KCNIP4: variants seen among roughly 807,000 people sequenced by gnomAD.
KCNIP4 encodes the protein potassium voltage-gated channel interacting protein 4.
KCNIP4 carries 12 observed loss-of-function variants against 34.0 expected under a neutral mutation model. The observed-to-expected ratio is 0.35, with a 90% CI of 0.23 to 0.57. The LOEUF (loss-of-function observed/expected upper bound fraction) is 0.57. KCNIP4 is among the 20% of genes least tolerant of loss of function. The pLI is 0.83. For missense variants in KCNIP4, 238 were observed against 311.7 expected (o/e 0.76, Z 1.78); for synonymous variants, 124 against 102.2 (o/e 1.21, Z -1.29).
chr4:21,395,678 G>A (rs892295664), intron 1 of KCNIP4, among the ~76,000 whole-genome samples: 6 of 152,054 alleles, frequency 3.9e-5, no homozygotes, highest in Non-Finnish European at 7.4e-5. Flanking sequence ...ATTTAAAAAT[G>A]TATAGTATAA....
chr4:20,986,435 G>T (rs1325589929), intron 1 of KCNIP4, among the ~76,000 whole-genome samples: 1 of 151,984 alleles, frequency 6.6e-6, no homozygotes, highest in Non-Finnish European at 1.5e-5. Flanking sequence ...AAATATTTTA[G>T]GTAACCATTT....
chr4:20,809,983 C>T (rs896747730), intron 3 of KCNIP4, among the ~76,000 whole-genome samples: 3 of 152,198 alleles, frequency 2.0e-5, no homozygotes, highest in Non-Finnish European at 4.4e-5. Context: ...GTCAGAGAAA[C>T]ATGATCTCTT....
chr4:21,469,560 T>C (rs934596542), intron 1 of KCNIP4, among the ~76,000 whole-genome samples: 1 of 152,204 alleles, frequency 6.6e-6, no homozygotes, highest in Admixed American at 6.6e-5. Context: ...GAAAACGTTT[T>C]GTACAAATAA....
chr4:21,353,228 G>A (rs1266063250), intron 1 of KCNIP4, among the ~76,000 whole-genome samples: 1 of 152,132 alleles, frequency 6.6e-6, no homozygotes, highest in Non-Finnish European at 1.5e-5. Flanking sequence ...AAAAACCAGA[G>A]CACCTCTTCT....
intron 1 of KCNIP4, among the ~76,000 whole-genome samples, chr4:21,464,035 AT>A (rs1729702931): frequency 6.6e-6 from 1 of 151,676 alleles, no homozygotes; most frequent in Non-Finnish European, 1.5e-5. Context: ...ATCCTTTTTT[AT>A]TTCTGTAAGG....
At chr4:20,732,631 G>GA in intron 7 of KCNIP4, 50 bp downstream of exon 7, 1 of 1,220,500 alleles carries the variant, frequency 8.2e-7, no homozygotes, top group Non-Finnish European at 1.2e-6. Context: ...CAAACATCAG[G>GA]AAATTTTCTC....
chr4:21,725,360 T>A (rs1715116848), intron 1 of KCNIP4, among the ~76,000 whole-genome samples: 1 of 152,140 alleles, frequency 6.6e-6, no homozygotes, highest in Non-Finnish European at 1.5e-5. Context: ...ATACCTCAGA[T>A]GTACTTCGAA....
intron 1 of KCNIP4, among the ~76,000 whole-genome samples, chr4:21,621,653 C>T (rs928370331): frequency 6.6e-6 from 1 of 151,994 alleles, no homozygotes; most frequent in African/African-American, 2.4e-5. Context: ...CCACCATGTT[C>T]GGCCACTTCT....
chr4:20,925,555 G>A (rs554154053), intron 1 of KCNIP4, among the ~76,000 whole-genome samples: 5 of 152,042 alleles, frequency 3.3e-5, no homozygotes, highest in Non-Finnish European at 7.4e-5. Flanking sequence ...ATGGGAAACC[G>A]GCAGCCCTCA....
At chr4:21,540,467 G>C (rs1737588067) in intron 1 of KCNIP4, among the ~76,000 whole-genome samples, 1 of 152,246 alleles carries the variant, frequency 6.6e-6, no homozygotes, top group Admixed American at 6.5e-5. Context: ...ATACGTACAA[G>C]AGAGAGGCTC....
At chr4:21,667,273 A>G (rs1259398185) in intron 1 of KCNIP4, among the ~76,000 whole-genome samples, 1 of 152,194 alleles carries the variant, frequency 6.6e-6, no homozygotes, top group Non-Finnish European at 1.5e-5. Flanking sequence ...CCATTTGTCT[A>G]TGGAGATAGG....
chr4:21,408,759 G>A (rs1252605974), intron 1 of KCNIP4, among the ~76,000 whole-genome samples: 1 of 152,162 alleles, frequency 6.6e-6, no homozygotes, highest in Non-Finnish European at 1.5e-5. Flanking sequence ...AAGGAAGCCT[G>A]GTGTGATTCT....
intron 1 of KCNIP4, among the ~76,000 whole-genome samples, chr4:21,047,979 T>C (rs751323565): frequency 1.3e-5 from 2 of 152,188 alleles, no homozygotes; most frequent in South Asian, 2.1e-4. Flanking sequence ...CCTAGTTATA[T>C]GGTGGGAAAA....
chr4:21,625,147 A>AATG lies in KCNIP4; in HGVS notation c.61+323421_61+323423dup, dbSNP rs543844539. ...TTGGTCCTCCTTTGCTGAGCACTAAAATGATGATGATGATGATGATAAAAT... is the reference window on the plus strand; with the variant it reads ...TTGGTCCTCCTTTGCTGAGCACTAAAATGATGATGATGATGATGATGATAAAAT... On this transcript the variant is annotated intron_variant, in intron 1 of 8. Transcript: ENST00000382152. 2.9e-3 allele frequency among the ~76,000 whole-genome samples: 443 copies of AATG among 152,050 alleles called. 10 individuals carry two copies. In the South Asian group the frequency reaches 0.048, roughly 16 times the overall value.
chr4:21,317,751 G>A (rs1457812675), intron 1 of KCNIP4, among the ~76,000 whole-genome samples: 2 of 152,132 alleles, frequency 1.3e-5, no homozygotes, highest in African/African-American at 2.4e-5. Context: ...CCGGTGGGAG[G>A]TAATTGAATC....
intron 1 of KCNIP4, among the ~76,000 whole-genome samples, chr4:21,279,295 T>C (rs1266152448): frequency 6.6e-6 from 1 of 152,154 alleles, no homozygotes; most frequent in Admixed American, 6.5e-5. Context: ...TCTGGTTTTC[T>C]TCTTGTGTAT....
chr4:21,025,930 T>C (rs1242240664), intron 1 of KCNIP4, among the ~76,000 whole-genome samples: 1 of 152,168 alleles, frequency 6.6e-6, no homozygotes, highest in African/African-American at 2.4e-5. Context: ...CAGGCCTAGA[T>C]TAGGCTTCAG....
At chr4:20,923,317 C>T (rs1446231363) in intron 1 of KCNIP4, among the ~76,000 whole-genome samples, 1 of 152,184 alleles carries the variant, frequency 6.6e-6, no homozygotes, top group East Asian at 1.9e-4. Context: ...ATTTAAAATT[C>T]ACTTAATGAA....
chr4:20,741,504 A>G (rs1238884689), intron 5 of KCNIP4, among the ~76,000 whole-genome samples: 1 of 152,252 alleles, frequency 6.6e-6, no homozygotes, highest in Non-Finnish European at 1.5e-5. Context: ...AGAAATAAAG[A>G]TGTTCTTTGA....
Sources: gnomAD v4.1 joint callset for allele counts (sites outside exome capture counted in the v4.1 genomes callset) on GRCh38, gnomAD v4.1.1 for gene constraint, MANE v1.5 for transcripts, NCBI Gene and HGNC (gene_info 2026-07-23, HGNC 2026-07-21) for gene names.